PARP9: variants seen among roughly 807,000 people sequenced by gnomAD.
PARP9 encodes poly(ADP-ribose) polymerase family member 9, also known as protein mono-ADP-ribosyltransferase PARP9.
In PARP9, 48 loss-of-function variants were observed where a neutral mutation model predicts 68.8. That is an observed-to-expected ratio of 0.70 (90% CI 0.55 to 0.89). The LOEUF is 0.89. Ranked by LOEUF, PARP9 falls within the 40% of genes least tolerant of loss-of-function variation. The pLI, the probability that PARP9 is intolerant of heterozygous loss-of-function variation, is 0.00. For missense variants in PARP9, 806 were observed against 969.3 expected, an observed-to-expected ratio of 0.83 and a Z score of 2.24; for synonymous variants, 309 against 333.8, an observed-to-expected ratio of 0.93 and a Z score of 0.81.
rs2079578833 is a variant in PARP9 at position 122,555,749 on chromosome 3, GAC to G, written c.420_421del (p.Ala142TrpfsTer2). 1.9e-6 allele frequency: 3 copies of G among 1,613,900 alleles called. No homozygotes were observed. Among genetic ancestry groups the G allele is most frequent in the Non-Finnish European group, 1.7e-6 (2 of 1,179,996 alleles). ...TCCCGTGACAGCTATCTCACCAGCTGACACTTTACCATATCTGGCAACAAACT... is the reference window on the plus strand; with the variant it reads ...TCCCGTGACAGCTATCTCACCAGCTGACTTTACCATATCTGGCAACAAACT... On this transcript the variant is annotated frameshift_variant, in exon 4 of 11. Transcript: ENST00000682323. LOFTEE classifies it high-confidence loss of function.
intron 6 of PARP9, 88 bp downstream of exon 6, chr3:122,550,496 G>T: frequency 9.1e-7 from 1 of 1,104,624 alleles, no homozygotes; most frequent in Non-Finnish European, 1.3e-6. Context: ...TGCATCCCCT[G>T]CATCTTACAT....
chr3:122,535,836 A>G, intron 10 of PARP9: 1 of 1,126,172 alleles, frequency 8.9e-7, no homozygotes, highest in African/African-American at 1.8e-5. Context: ...TGTTGAGATA[A>G]GTAAGGCAAA....
chr3:122,552,788 G>A (rs547461960), intron 4 of PARP9, 149 bp from the exon 5 acceptor site: 30 of 611,004 alleles, frequency 4.9e-5, no homozygotes, highest in Middle Eastern at 4.4e-4. Context: ...ATAGAAACTC[G>A]TATTTCCAAA....
At chr3:122,564,149 TGGGACCC>T in intron 1 of PARP9, 89 bp downstream of exon 1, 1 of 474,718 alleles carries the variant, frequency 2.1e-6, no homozygotes, top group African/African-American at 2.1e-5. Flanking sequence ...GGCCTGGCCC[TGGGACCC>T]GGGTCCGCGC....
At chr3:122,558,348 A>G in intron 3 of PARP9, 86 bp downstream of exon 3, 1 of 1,614,078 alleles carries the variant, frequency 6.2e-7, no homozygotes, top group Non-Finnish European at 8.5e-7. Flanking sequence ...TGTAGGGGAG[A>G]CATTCTTCTG....
chr3:122,547,315 G>A (rs1389411908), intron 6 of PARP9, among the ~76,000 whole-genome samples: 1 of 150,832 alleles, frequency 6.6e-6, no homozygotes, highest in Non-Finnish European at 1.5e-5. Context: ...GACTGGTCTC[G>A]AATTCCTGAC....
At chr3:122,552,966 C>T (rs555433789) in intron 4 of PARP9, among the ~76,000 whole-genome samples, 1 of 152,186 alleles carries the variant, frequency 6.6e-6, no homozygotes, top group Non-Finnish European at 1.5e-5. Context: ...TAAGTTCTGT[C>T]GATAAATGGT....
At chr3:122,532,886 C>T (rs1559800687) in intron 10 of PARP9, 1 of 152,186 alleles carries the variant, frequency 6.6e-6, no homozygotes, top group Non-Finnish European at 1.5e-5. Context: ...TGGCTGCAGT[C>T]TTGAGGAACA....
Position 122,555,583 on chromosome 3 carries a change from A to C in PARP9, c.588T>G (p.Ile196Met). ...TCAAGGCTGGAATTGCTACTGTCTT[A>C]ATGTGAGTATTTTTATAGATGACAT... ...LNYVIYKNTH[I>M]KTVAIPALSS... The change falls in exon 4 of 11, where the codon ATT becomes ATG. Residue 196 changes from isoleucine to methionine, a missense_variant. By Grantham distance (10) the Ile-to-Met change is conservative. Transcript: ENST00000682323. 6.2e-7 allele frequency: 1 copy of C among 1,614,190 alleles called. No homozygotes were observed. Among genetic ancestry groups the C allele is most frequent in the Non-Finnish European group, 8.5e-7 (1 of 1,180,024 alleles).
chr3:122,539,310 G>A (rs2077903873), intron 8 of PARP9, among the ~76,000 whole-genome samples: 1 of 152,138 alleles, frequency 6.6e-6, no homozygotes, highest in South Asian at 2.1e-4. Flanking sequence ...TGCTCCCAGA[G>A]CACTTTTCGC....
At chr3:122,533,575 T>C (rs957493471) in intron 10 of PARP9, 6 of 602,482 alleles carry the variant, frequency 1.0e-5, no homozygotes, top group Non-Finnish European at 1.2e-5. Flanking sequence ...CTCGTGAGAT[T>C]ATAAATTGTA....
rs145318310 is a variant in PARP9 at position 122,528,433 on chromosome 3, T to C, written c.2391A>G (p.Ser797=). The C allele has an allele frequency of 4.3e-5, 69 of 1,613,910 alleles. No homozygotes were observed. Among genetic ancestry groups the C allele is most frequent in the Non-Finnish European group, 5.7e-5 (67 of 1,179,870 alleles). Residue 797 remains serine, a synonymous_variant, in exon 11 of 11, where the codon TCA becomes TCG. Transcript: ENST00000682323. ...GTGCAAAGGGTCTCATTGGTCCTGA[T>C]GAGTAATCTTGTGACTGTACATATT... ...TQEYVQSQDY[S]SGPMRPFAQH...
At chr3:122,550,944 G>C (rs996709138) in intron 5 of PARP9, 142 bp from the exon 6 acceptor site, 8 of 715,174 alleles carry the variant, frequency 1.1e-5, no homozygotes, top group Non-Finnish European at 1.7e-5. Context: ...TGACAGGAAA[G>C]GTCCCACTCC....
At chr3:122,529,636 C>A (rs1264364587) in intron 10 of PARP9, among the ~76,000 whole-genome samples, 1 of 151,960 alleles carries the variant, frequency 6.6e-6, no homozygotes, top group Non-Finnish European at 1.5e-5. Flanking sequence ...CGCCTGTAGT[C>A]CCAGCTACTC....
intron 10 of PARP9, chr3:122,534,558 G>C: frequency 1.7e-6 from 1 of 596,300 alleles, no homozygotes; most frequent in Non-Finnish European, 2.1e-6. Context: ...GAGTATGTTG[G>C]GGGCAGTATC....
At chr3:122,533,087 T>G (rs1282839513) in intron 10 of PARP9, 1 of 152,104 alleles carries the variant, frequency 6.6e-6, no homozygotes, top group African/African-American at 2.4e-5. Context: ...GAGGACCTAG[T>G]AATAGTCTAG....
Position 122,552,501 on chromosome 3 carries a change from AC to A in PARP9, c.1023del (p.Gln341HisfsTer31). 1 of 1,614,138 alleles carries A rather than the reference AC, an allele frequency of 6.2e-7. No individual in the cohort carries two copies. The highest frequency in any genetic ancestry group is 8.5e-7 in the Non-Finnish European group (1 of 1,180,010). On this transcript the variant is annotated frameshift_variant, in exon 5 of 11. Transcript: ENST00000682323. LOFTEE classifies it high-confidence loss of function. Reference protein sequence around the residue: ...ATKAKQFQRSQLVLVTKGFNL... With the variant: ...ATKAKQFQRSXLVLVTKGFNL... ...TTAAATCCTTTTGTGACCAGTACCAACTGGGACCGTTGAAACTGTTTAGCCT... is the reference window on the plus strand; with the variant it reads ...TTAAATCCTTTTGTGACCAGTACCAATGGGACCGTTGAAACTGTTTAGCCT...
intron 4 of PARP9, among the ~76,000 whole-genome samples, chr3:122,553,450 A>G (rs1398513883): frequency 6.6e-6 from 1 of 152,208 alleles, no homozygotes; most frequent in African/African-American, 2.4e-5. Flanking sequence ...TTGAAAGCAC[A>G]ATTAGAATTT....
upstream of PARP9, chr3:122,564,653 GCCCGGCCCCCGGGTTT>G: frequency 6.4e-7 from 1 of 1,560,896 alleles, no homozygotes; most frequent in Non-Finnish European, 8.6e-7. Flanking sequence ...CCCTCTGGGG[GCCCGGCCCCCGGGTTT>G]CCAGGCGGAC....
Sources: allele counts gnomAD v4.1 joint callset (sites outside exome capture counted in the v4.1 genomes callset), GRCh38; gene constraint gnomAD v4.1.1; transcripts MANE v1.5; gene names NCBI Gene and HGNC (gene_info 2026-07-23, HGNC 2026-07-21).